The following SORCS3 variants were observed in gnomAD, a reference collection of about 807,000 sequenced individuals.
SORCS3 encodes the protein VPS10 domain-containing receptor SorCS3.
Under a neutral mutation model 146.3 loss-of-function variants are expected in SORCS3, and 57 were observed. The ratio of observed to expected loss-of-function variants is 0.39; its 90% CI spans 0.31 to 0.49. The LOEUF is 0.49. Ranked by LOEUF, SORCS3 falls within the 20% of genes least tolerant of loss-of-function variation. The pLI is 0.92. For synonymous variants in SORCS3, 653 were observed against 618.5 expected (o/e 1.06, Z -0.83); for missense variants, 1,341 against 1,575.5 (o/e 0.85, Z 2.52).
intron 20 of SORCS3, among the ~76,000 whole-genome samples, chr10:105,223,985 C>T (rs2056719450): frequency 6.6e-6 from 1 of 152,176 alleles, no homozygotes; most frequent in Non-Finnish European, 1.5e-5. Context: ...CAGAGATTTT[C>T]CATATATCCC....
Position 105,262,449 on chromosome 10 carries a change from C to G in SORCS3, c.3562C>G (p.Pro1188Ala), listed in dbSNP as rs751464825. 2.5e-6 allele frequency: 4 copies of G among 1,613,904 alleles called. No homozygotes were observed. The highest frequency in any genetic ancestry group is 1.1e-5 in the South Asian group (1 of 91,082). ...AATCACACTCAGTGACTTTACGGAG[C>G]CTGAGGAGCTGCTGGACAAAGAGCT... ...PKITLSDFTE[P>A]EELLDKELDT... The change falls in exon 26 of 27, where the codon CCT becomes GCT. Residue 1188 changes from proline to alanine, a missense_variant. Transcript: ENST00000369701.
At chr10:104,993,616 TC>T (rs148272517) in intron 4 of SORCS3, among the ~76,000 whole-genome samples, 11,370 of 152,246 alleles carry the variant, frequency 0.075, 476 homozygotes, top group African/African-American at 0.1. Flanking sequence ...AAATTCACTC[TC>T]CCTTGAGTCT....
At chr10:104,682,388 C>G (rs1336646938) in intron 1 of SORCS3, among the ~76,000 whole-genome samples, 1 of 152,234 alleles carries the variant, frequency 6.6e-6, no homozygotes, top group Non-Finnish European at 1.5e-5. Flanking sequence ...CTTAGCCTCT[C>G]TGGCTTTGGC....
At chr10:104,821,381 G>A (rs1255438900) in intron 1 of SORCS3, among the ~76,000 whole-genome samples, 1 of 152,152 alleles carries the variant, frequency 6.6e-6, no homozygotes, top group African/African-American at 2.4e-5. Flanking sequence ...TGCTTAAAGA[G>A]TGGATAGCTG....
chr10:105,140,550 T>C (rs1418848224), intron 8 of SORCS3, among the ~76,000 whole-genome samples: 1 of 152,186 alleles, frequency 6.6e-6, no homozygotes, highest in Non-Finnish European at 1.5e-5. Flanking sequence ...AAAAGGTGGT[T>C]TTAGTCAACT....
At chr10:104,953,314 G>A (rs2133627864) in intron 3 of SORCS3, among the ~76,000 whole-genome samples, 1 of 152,312 alleles carries the variant, frequency 6.6e-6, no homozygotes, top group South Asian at 2.1e-4. Context: ...TTGATGGGGG[G>A]CTACCAGGCA....
intron 14 of SORCS3, among the ~76,000 whole-genome samples, chr10:105,195,330 G>A (rs2056538025): frequency 6.6e-6 from 1 of 151,964 alleles, no homozygotes; most frequent in South Asian, 2.1e-4. Flanking sequence ...AAGCGGTCTG[G>A]GCTTTCTCTT....
chr10:104,825,874 C>T (rs2017929588), intron 1 of SORCS3, among the ~76,000 whole-genome samples: 1 of 152,180 alleles, frequency 6.6e-6, no homozygotes, highest in Non-Finnish European at 1.5e-5. Flanking sequence ...CAACCCCCCA[C>T]TATTCAACAG....
At chr10:105,196,341 C>T (rs372001304) in intron 14 of SORCS3, among the ~76,000 whole-genome samples, 87 of 152,300 alleles carry the variant, frequency 5.7e-4, no homozygotes, top group African/African-American at 1.6e-3. Context: ...TGGTCGCTCA[C>T]GCCTGTAATC....
At position 104,934,292 on chromosome 10, in the gene SORCS3, G is replaced by T. The variant is rs151205150; in HGVS notation, c.795+18360G>T. Among the ~76,000 whole-genome samples the T allele has an allele frequency of 6.9e-3, 1,055 of 152,326 alleles. 11 individuals carry two copies. Among genetic ancestry groups the T allele is most frequent in the African/African-American group, 0.024 (1,017 of 41,564 alleles). On this transcript the variant is annotated intron_variant, in intron 3 of 26. Transcript: ENST00000369701. ...AATCTGATTCTACAGGTCTGGGAAA[G>T]GTTAAGGCTATGTATGAGACAATAG...
chr10:104,772,146 C>T (rs1310884525), intron 1 of SORCS3, among the ~76,000 whole-genome samples: 2 of 151,924 alleles, frequency 1.3e-5, no homozygotes, highest in African/African-American at 4.8e-5. Flanking sequence ...TCATCTCCAC[C>T]TCCTTTCCAG....
chr10:104,890,206 C>G (rs568982778), intron 2 of SORCS3, among the ~76,000 whole-genome samples: 2 of 152,028 alleles, frequency 1.3e-5, no homozygotes, highest in South Asian at 4.2e-4. Flanking sequence ...ATAGTTTTCA[C>G]CAGGTTTTGA....
chr10:105,178,391 A>C (rs926065670), intron 14 of SORCS3, among the ~76,000 whole-genome samples: 8 of 152,200 alleles, frequency 5.3e-5, no homozygotes, highest in Non-Finnish European at 8.8e-5. Context: ...TGAACAGTCA[A>C]GGTTTCTAAT....
At chr10:105,224,698 C>G (rs141618379) in intron 20 of SORCS3, among the ~76,000 whole-genome samples, 1 of 152,126 alleles carries the variant, frequency 6.6e-6, no homozygotes, top group African/African-American at 2.4e-5. Context: ...TTTTGGATTT[C>G]CACCACCAAT....
At chr10:104,928,377 A>G (rs1325864931) in intron 3 of SORCS3, among the ~76,000 whole-genome samples, 2 of 152,172 alleles carry the variant, frequency 1.3e-5, no homozygotes, top group Admixed American at 6.5e-5. Context: ...ATCACAAGCA[A>G]GAGCAATTTT....
intron 3 of SORCS3, among the ~76,000 whole-genome samples, chr10:104,971,586 T>C (rs775843241): frequency 9.2e-5 from 14 of 152,136 alleles, no homozygotes; most frequent in Non-Finnish European, 1.8e-4. Flanking sequence ...GGCATCTAAA[T>C]AGAAGCATCT....
intron 11 of SORCS3, among the ~76,000 whole-genome samples, chr10:105,162,690 C>T (rs932388478): frequency 6.6e-6 from 1 of 152,044 alleles, no homozygotes; most frequent in Non-Finnish European, 1.5e-5. Flanking sequence ...ACCATAAGGC[C>T]CCCAAAATCC....
intron 2 of SORCS3, among the ~76,000 whole-genome samples, chr10:104,875,626 T>C (rs138286501): frequency 7.9e-4 from 121 of 152,346 alleles, no homozygotes; most frequent in African/African-American, 2.3e-3. Flanking sequence ...ATTGAAATGT[T>C]GAAGACTTTT....
intron 3 of SORCS3, among the ~76,000 whole-genome samples, chr10:104,946,929 G>A (rs1302618044): frequency 6.6e-6 from 1 of 152,134 alleles, no homozygotes; most frequent in Non-Finnish European, 1.5e-5. Flanking sequence ...ATATGGGAGG[G>A]CAGATGTAGC....
Sources: allele counts gnomAD v4.1 joint callset (sites outside exome capture counted in the v4.1 genomes callset), GRCh38; gene constraint gnomAD v4.1.1; transcripts MANE v1.5; gene names NCBI Gene and HGNC (gene_info 2026-07-23, HGNC 2026-07-21).